Variants in ZDHHC13 observed in about 807,000 individuals in gnomAD.
ZDHHC13 encodes palmitoyltransferase ZDHHC13.
A neutral mutation model predicts 86.0 loss-of-function variants in ZDHHC13; 85 were observed. The ratio of observed to expected loss-of-function variants is 0.99; its 90% confidence interval spans 0.83 to 1.18. The LOEUF (loss-of-function observed/expected upper bound fraction) is 1.18, where lower values mean the gene tolerates loss of function less well. Among genes scored for constraint, ZDHHC13 ranks in the 50% most tolerant of loss-of-function variants. The pLI is 0.00. For missense variants in ZDHHC13, 711 were observed against 730.2 expected, an observed-to-expected ratio of 0.97 and a Z score of 0.30; for synonymous variants, 263 against 246.4, an observed-to-expected ratio of 1.07 and a Z score of -0.63.
chr11:19,150,582 A>T, intron 5 of ZDHHC13, 145 bp from the exon 6 acceptor site: 1 of 647,712 alleles, frequency 1.5e-6, no homozygotes, highest in Admixed American at 2.9e-5. Flanking sequence ...AAGTGAGCAA[A>T]ACATTCTTTT....
intron 14 of ZDHHC13, chr11:19,170,175 C>T (rs1850180159): frequency 7.7e-7 from 1 of 1,305,314 alleles, no homozygotes; most frequent in Non-Finnish European, 9.7e-7. Flanking sequence ...TTTCTTTATT[C>T]CTTCACTGTT....
intron 16 of ZDHHC13, among the ~76,000 whole-genome samples, chr11:19,174,342 C>G (rs549395436): frequency 1.3e-5 from 2 of 152,270 alleles, no homozygotes; most frequent in East Asian, 3.9e-4. Context: ...GAAACTGAAA[C>G]CAAGGGGAAG....
intron 12 of ZDHHC13, chr11:19,164,581 AT>A: frequency 1.8e-6 from 1 of 565,492 alleles, no homozygotes; most frequent in South Asian, 2.2e-5. Context: ...CTCTCCGTGA[AT>A]TATCCATTGT....
intron 1 of ZDHHC13, among the ~76,000 whole-genome samples, chr11:19,133,457 G>A (rs996931570): frequency 2.6e-5 from 4 of 151,628 alleles, no homozygotes; most frequent in African/African-American, 9.7e-5. Context: ...ATAGCAATAT[G>A]TTTTTTTATA....
Position 19,152,591 on chromosome 11 carries a change from C to G in ZDHHC13, c.780C>G (p.Asn260Lys), listed in dbSNP as rs748237999. Residue 260 changes from asparagine to lysine, a missense_variant, in exon 8 of 17, where the codon AAC (asparagine) becomes AAG (lysine). Physicochemically the swap from Asn to Lys is moderately conservative, Grantham distance 94. Transcript: ENST00000446113. ...CACCTCTTGATATGGCTCTACAAAA[C>G]AAAAATCAGCTCATTATTCATATGC... ...GETPLDMALQ[N>K]KNQLIIHMLK... is the part of the protein sequence containing the mutation. The G allele has an allele frequency of 3.1e-6, 5 of 1,612,738 alleles. No individual in the cohort carries two copies. In the African/African-American group the frequency reaches 5.3e-5, roughly 17 times the overall value.
intron 1 of ZDHHC13, among the ~76,000 whole-genome samples, chr11:19,141,813 T>G (rs545922782): frequency 1.3e-5 from 2 of 152,244 alleles, no homozygotes; most frequent in African/African-American, 4.8e-5. Context: ...ATTTTTTAGC[T>G]TGCCATGTGC....
intron 2 of ZDHHC13, among the ~76,000 whole-genome samples, chr11:19,145,161 A>G (rs1442454169): frequency 6.6e-6 from 1 of 152,182 alleles, no homozygotes; most frequent in Non-Finnish European, 1.5e-5. Context: ...TCTCTATGAA[A>G]TATGTCTTTT....
intron 1 of ZDHHC13, among the ~76,000 whole-genome samples, chr11:19,132,305 T>G (rs1020127666): frequency 6.6e-6 from 1 of 152,216 alleles, no homozygotes; most frequent in African/African-American, 2.4e-5. Context: ...TGGTGTAGTC[T>G]TTATTCCAGA....
At chr11:19,175,364 T>C (rs1850332058) in intron 16 of ZDHHC13, among the ~76,000 whole-genome samples, 1 of 113,156 alleles carries the variant, frequency 8.8e-6, no homozygotes, top group Non-Finnish European at 1.6e-5. Flanking sequence ...CACTCCAGCC[T>C]GGGTGACAGA....
chr11:19,122,085 A>G (rs1007894588), intron 1 of ZDHHC13, among the ~76,000 whole-genome samples: 3 of 152,170 alleles, frequency 2.0e-5, no homozygotes, highest in African/African-American at 7.2e-5. Flanking sequence ...AGAAAACTTC[A>G]CAGAAAATAA....
intron 16 of ZDHHC13, among the ~76,000 whole-genome samples, chr11:19,173,716 A>C (rs1346201784): frequency 6.6e-6 from 1 of 152,222 alleles, no homozygotes; most frequent in African/African-American, 2.4e-5. Flanking sequence ...ATTGACAGTG[A>C]TAATAAAATC....
chr11:19,129,233 A>G (rs1036785794), intron 1 of ZDHHC13, among the ~76,000 whole-genome samples: 1 of 152,112 alleles, frequency 6.6e-6, no homozygotes, highest in Admixed American at 6.5e-5. Context: ...TCTAATCTGT[A>G]TGCATTTTTA....
At chr11:19,145,471 T>C (rs1411987931) in intron 2 of ZDHHC13, among the ~76,000 whole-genome samples, 2 of 152,234 alleles carry the variant, frequency 1.3e-5, no homozygotes, top group Admixed American at 6.5e-5. Flanking sequence ...CCCATTGAAC[T>C]GTACATAAAG....
intron 9 of ZDHHC13, among the ~76,000 whole-genome samples, 179 bp from the exon 10 acceptor site, chr11:19,158,761 G>A (rs1849827191): frequency 6.6e-6 from 1 of 151,974 alleles, no homozygotes; most frequent in South Asian, 2.1e-4. Context: ...TAAAATGGGG[G>A]GATGATGTTG....
chr11:19,158,804 T>C (rs944608454), intron 9 of ZDHHC13, 136 bp from the exon 10 acceptor site: 2 of 549,378 alleles, frequency 3.6e-6, no homozygotes, highest in Non-Finnish European at 6.2e-6. Flanking sequence ...AAGTGACACA[T>C]AGTAAGCACT....
At position 19,164,383 on chromosome 11, in the gene ZDHHC13, T is replaced by C. The variant is rs779525687; in HGVS notation, c.1296+20T>C. ...TGTCTTGTGAGTTTTTTCATATAAT[T>C]TTTTTCCGTAGTGAAAGCAAAGTCT... On this transcript the variant is annotated intron_variant, in intron 12 of 16. Transcript: ENST00000446113. The C allele has an allele frequency of 3.7e-6, 6 of 1,609,578 alleles. 1 individual carries two copies. The South Asian group carries it at 6.6e-5, about 18-fold the overall frequency.
chr11:19,170,663 T>A, intron 15 of ZDHHC13, 95 bp downstream of exon 15: 1 of 1,193,958 alleles, frequency 8.4e-7, no homozygotes, highest in Non-Finnish European at 1.1e-6. Context: ...GCACATTCTG[T>A]TTTTACCTCT....
At chr11:19,127,811 G>T (rs1848910025) in intron 1 of ZDHHC13, among the ~76,000 whole-genome samples, 1 of 152,062 alleles carries the variant, frequency 6.6e-6, no homozygotes, top group Non-Finnish European at 1.5e-5. Context: ...TCATCTATGT[G>T]TCTGTTTTTG....
At chr11:19,175,389 C>CAAAGAAAAAAAA (rs1850334531) in intron 16 of ZDHHC13, among the ~76,000 whole-genome samples, 1 of 56,368 alleles carries the variant, frequency 1.8e-5, no homozygotes, top group Admixed American at 3.1e-4. Context: ...GACTCCGTCT[C>CAAAGAAAAAAAA]AAAAAAAAAA....
Sources: gnomAD v4.1 joint callset for allele counts (sites outside exome capture counted in the v4.1 genomes callset) on GRCh38, gnomAD v4.1.1 for gene constraint, MANE v1.5 for transcripts, NCBI Gene and HGNC (gene_info 2026-07-23, HGNC 2026-07-21) for gene names.